Variants in GLB1L2 observed in about 807,000 individuals in gnomAD.
GLB1L2 encodes the protein galactosidase beta 1 like 2, also known as beta-galactosidase-1-like protein 2.
A neutral mutation model predicts 84.1 loss-of-function variants in GLB1L2; 68 were observed. The ratio of observed to expected loss-of-function variants is 0.81; its 90% CI spans 0.67 to 0.99. The LOEUF (loss-of-function observed/expected upper bound fraction) is 0.99. Ranked by LOEUF, GLB1L2 falls within the 50% of genes least tolerant of loss-of-function variation. GLB1L2 has a pLI of 0.00. For synonymous variants in GLB1L2, 290 were observed against 318.0 expected (o/e 0.91, Z 0.94); for missense variants, 762 against 805.6 (o/e 0.95, Z 0.66).
At chr11:134,344,167 G>T (rs1463761170) in intron 2 of GLB1L2, among the ~76,000 whole-genome samples, 1 of 152,190 alleles carries the variant, frequency 6.6e-6, no homozygotes, top group Admixed American at 6.5e-5. Flanking sequence ...TACTCAGCCG[G>T]TCTTATGCTT....
At chr11:134,360,219 G>GCTTTCTTTT (rs1267183109) in intron 7 of GLB1L2, 1 of 152,334 alleles carries the variant, frequency 6.6e-6, no homozygotes, top group African/African-American at 2.4e-5. Flanking sequence ...CACATTCCAC[G>GCTTTCTTTT]CTTTCTTTTC....
At chr11:134,356,238 C>A in intron 5 of GLB1L2, 63 bp from the exon 6 acceptor site, 2 of 1,269,820 alleles carry the variant, frequency 1.6e-6, no homozygotes, top group Non-Finnish European at 2.3e-6. Context: ...ATGGGCGTGG[C>A]AGGGTTGGAT....
chr11:134,339,669 G>A lies in GLB1L2; in HGVS notation c.87-3085G>A, dbSNP rs1452516134. On this transcript the variant is annotated intron_variant, in intron 1 of 18. Transcript: ENST00000535456. The surrounding 1 kb of genome is among the most constrained non-coding windows in gnomAD (Gnocchi z 5.7). Reference sequence around the variant, plus strand: ...GGTGTGTTATAAAGACACTAGCAAAGACAAGCTCTATCCAGGGAGGGAGTC... The same window carrying A: ...GGTGTGTTATAAAGACACTAGCAAAAACAAGCTCTATCCAGGGAGGGAGTC... Among the ~76,000 whole-genome samples the A allele has an allele frequency of 1.3e-5, 2 of 152,022 alleles. No individual in the cohort carries two copies. The highest frequency in any genetic ancestry group is 2.9e-5 in the Non-Finnish European group (2 of 68,008).
intron 1 of GLB1L2, among the ~76,000 whole-genome samples, chr11:134,340,300 ATGTG>A (rs933907688): frequency 6.6e-6 from 1 of 151,982 alleles, no homozygotes; most frequent in Non-Finnish European, 1.5e-5. Flanking sequence ...GTGCATGTGC[ATGTG>A]TGTGTGTATT....
At chr11:134,344,519 G>A (rs1272190376) in intron 3 of GLB1L2, 64 bp downstream of exon 3, 3 of 1,561,426 alleles carry the variant, frequency 1.9e-6, no homozygotes, top group African/African-American at 1.4e-5. Flanking sequence ...CTACTGGGGT[G>A]GATTAGCAAC....
chr11:134,369,078 C>A (rs1352962017), intron 10 of GLB1L2, among the ~76,000 whole-genome samples: 1 of 152,178 alleles, frequency 6.6e-6, no homozygotes, highest in Non-Finnish European at 1.5e-5. Context: ...GCCTCCCCTC[C>A]CTGCCCAGGC....
intron 1 of GLB1L2, 80 bp downstream of exon 1, chr11:134,332,227 C>A: frequency 2.0e-6 from 2 of 994,066 alleles, no homozygotes; most frequent in Non-Finnish European, 2.9e-6. Context: ...CCTCCCGCGA[C>A]CCGCGAATCC....
intron 5 of GLB1L2, among the ~76,000 whole-genome samples, chr11:134,350,918 G>A (rs1283597851): frequency 6.6e-6 from 1 of 152,144 alleles, no homozygotes; most frequent in Non-Finnish European, 1.5e-5. Flanking sequence ...TAGCTAGATA[G>A]TTTTTTTTAG....
chr11:134,351,342 TTTC>T (rs1343162624), intron 5 of GLB1L2, among the ~76,000 whole-genome samples: 128 of 133,384 alleles, frequency 9.6e-4, no homozygotes, highest in African/African-American at 3.5e-3. Context: ...ATTCTTTTTC[TTTC>T]TTTTTTTTTT....
In GLB1L2 at chr11:134,369,991, T is replaced by C. The variant is rs1943925370; in HGVS notation, c.1108+106T>C. 3 of 922,792 alleles carry C rather than the reference T, an allele frequency of 3.3e-6. No individual in the cohort carries two copies. The Admixed American group carries it at 6.3e-5, about 19-fold the overall frequency. The allele number at this position is 922,792 out of a possible 1,614,324, so 57.2% of individuals were successfully genotyped here. ...TGTCCCACCTCGACCCCAGTTGATC[T>C]GCGTGCAAGAATATCCTAGACAAGG... On this transcript the variant is annotated intron_variant, in intron 11 of 18. Transcript: ENST00000535456.
chr11:134,371,145 G>T lies in GLB1L2; in HGVS notation c.1353G>T (p.Gly451=). ...GILSGHVHDR[G]QVFVNTVSIG... ...TCAGTGGCCACGTGCATGATCGGGG[G>T]CAGGTAGGAGCTTCTCTTCTAAATT... Residue 451 remains glycine (G), a synonymous_variant, in exon 13 of 19, where the codon GGG becomes GGT. Transcript: ENST00000535456. The T allele has an allele frequency of 6.2e-7, 1 of 1,614,128 alleles. No homozygotes were observed. Among genetic ancestry groups the T allele is most frequent in the Non-Finnish European group, 8.5e-7 (1 of 1,180,012 alleles).
intron 8 of GLB1L2, chr11:134,366,968 T>C (rs1943874039): frequency 2.3e-6 from 1 of 425,580 alleles, no homozygotes; most frequent in Non-Finnish European, 4.3e-6. Flanking sequence ...CCTGGACCAG[T>C]GTCTTCTTGC....
At chr11:134,347,727 C>T (rs1249574167) in intron 5 of GLB1L2, among the ~76,000 whole-genome samples, 1 of 152,198 alleles carries the variant, frequency 6.6e-6, no homozygotes, top group Non-Finnish European at 1.5e-5. Flanking sequence ...CGGGAACACG[C>T]ATCCACTGGC....
rs770259300 is a variant in GLB1L2, at chr11:134,370,351, G to C, written c.1167G>C (p.Thr389=). ...LLPKMPYEPL[T]PVLYLSLWDA... ...CCAAGATGCCGTATGAGCCCTTAAC[G>C]CCAGTCTTGTACCTGTCTCTGTGGG... Residue 389 remains threonine (T), a synonymous_variant, in exon 12 of 19, where the codon ACG becomes ACC. Transcript: ENST00000535456. This position sits in a 1 kb window ranked among gnomAD's most constrained non-coding sequence, Gnocchi z 4.7. The C allele has an allele frequency of 5.0e-6, 8 of 1,613,772 alleles. No individual in the cohort carries two copies. The highest frequency in any genetic ancestry group is 6.8e-6 in the Non-Finnish European group (8 of 1,179,976).
At chr11:134,359,768 C>T (rs1943756861) in intron 7 of GLB1L2, 2 of 152,410 alleles carry the variant, frequency 1.3e-5, no homozygotes, top group African/African-American at 2.4e-5. Context: ...AAGGCCTCTC[C>T]ACTTGGCCTC....
intron 8 of GLB1L2, among the ~76,000 whole-genome samples, chr11:134,365,694 C>G (rs1409622812): frequency 6.6e-6 from 1 of 152,218 alleles, no homozygotes; most frequent in East Asian, 1.9e-4. Flanking sequence ...GGCCAGCTGT[C>G]CTGCTAACAG....
At chr11:134,342,656 C>T (rs2136263044) in intron 1 of GLB1L2, 98 bp from the exon 2 acceptor site, 1 of 1,233,710 alleles carries the variant, frequency 8.1e-7, no homozygotes, top group Non-Finnish European at 1.1e-6. Flanking sequence ...ACGCAGGCGC[C>T]CTCGAGAGAG....
chr11:134,371,526 C>T (rs747121268), intron 14 of GLB1L2, 34 bp downstream of exon 14: 5 of 1,307,006 alleles, frequency 3.8e-6, no homozygotes, highest in African/African-American at 1.4e-5. Flanking sequence ...TGATGGCTAG[C>T]CCCCGCTGCT....
At chr11:134,340,603 G>A (rs1294097598) in intron 1 of GLB1L2, among the ~76,000 whole-genome samples, 1 of 152,226 alleles carries the variant, frequency 6.6e-6, no homozygotes, top group African/African-American at 2.4e-5. Context: ...GGCCCGGACG[G>A]TGGCCCAGAG....
Sources: allele counts gnomAD v4.1 joint callset (sites outside exome capture counted in the v4.1 genomes callset), GRCh38; gene constraint gnomAD v4.1.1; non-coding constraint Gnocchi (gnomAD v3.1); transcripts MANE v1.5; gene names NCBI Gene and HGNC (gene_info 2026-07-23, HGNC 2026-07-21).